CEP44: variants seen among roughly 807,000 people sequenced by gnomAD.
The protein encoded by CEP44 is centrosomal protein of 44 kDa.
CEP44 carries 45 observed loss-of-function variants against 46.7 expected under a neutral mutation model. The observed-to-expected ratio is 0.96, with a 90% CI of 0.76 to 1.24. The LOEUF is 1.24. Among genes scored for constraint, CEP44 ranks in the 50% most tolerant of loss-of-function variants. The probability of loss-of-function intolerance (pLI) is 0.00; values close to 1 mark genes in which losing one functional copy is unlikely to be tolerated. For missense variants in CEP44, 475 were observed against 459.7 expected, an observed-to-expected ratio of 1.03 and a Z score of -0.30; for synonymous variants, 142 against 146.0, an observed-to-expected ratio of 0.97 and a Z score of 0.20.
Position 174,316,208 on chromosome 4 carries a change from C to T in CEP44, c.1004C>T (p.Ser335Phe). 1 of 1,613,894 alleles carries T rather than the reference C, an allele frequency of 6.2e-7. No individual in the cohort carries two copies. Among genetic ancestry groups the T allele is most frequent in the Non-Finnish European group, 8.5e-7 (1 of 1,179,858 alleles). Residue 335 changes from serine (S) to phenylalanine (F), a missense_variant, in exon 10 of 12, where the codon TCC (serine) becomes TTC (phenylalanine). By Grantham distance (155) the Ser-to-Phe change is radical (BLOSUM62 -2). Transcript: ENST00000503780. ...GAGAGGCCAGCAAGTATTCCTCTGT[C>T]CTCTGGCTATAGTACAGCATCATCA... ...EVERPASIPLSSGYSTASSDS... is the reference protein window; with the variant it reads ...EVERPASIPLFSGYSTASSDS...
chr4:174,326,487 C>A lies in CEP44; in HGVS notation c.1087-4995C>A, dbSNP rs1423238815. Among the ~76,000 whole-genome samples, 1 of 152,112 alleles carries A rather than the reference C, an allele frequency of 6.6e-6. No individual in the cohort carries two copies. The highest frequency in any genetic ancestry group is 6.6e-5 in the Admixed American group (1 of 15,250). ...TGACTTCTACATATGTTATAAACTG[C>A]AAAACATTATCATTACTTTTGCTAT... On this transcript the variant is annotated intron_variant, in intron 8 of 8. Transcript: ENST00000426172. The surrounding 1 kb of genome is among the most constrained non-coding windows in gnomAD (Gnocchi z 4.8).
chr4:174,319,574 TAA>T lies in CEP44; in HGVS notation c.*2194_*2195del. 1.3e-6 allele frequency: 1 copy of T among 785,216 alleles called. No individual in the cohort carries two copies. Among genetic ancestry groups the T allele is most frequent in the Non-Finnish European group, 1.5e-6 (1 of 647,390 alleles). The allele number at this position is 785,216 out of a possible 1,614,324, so 48.6% of individuals were successfully genotyped here. ...CAGATATACACACAGAGAAGGGACTTAAAACATTTCTAATCTCCTAGTTTATA... is the reference window on the plus strand; with the variant it reads ...CAGATATACACACAGAGAAGGGACTTAACATTTCTAATCTCCTAGTTTATA... On this transcript the variant is annotated 3_prime_UTR_variant, in exon 12 of 12. Coordinates refer to ENST00000503780, the MANE Select transcript of CEP44 (RefSeq NM_001040157.3).
chr4:174,317,004 A>G (rs943802719), intron 11 of CEP44, among the ~76,000 whole-genome samples: 1 of 151,846 alleles, frequency 6.6e-6, no homozygotes, highest in African/African-American at 2.4e-5. Flanking sequence ...TTTGTCTAGT[A>G]CAAATGGTGT....
chr4:174,328,824 C>G (rs992245297), intron 8 of CEP44, among the ~76,000 whole-genome samples: 1 of 152,094 alleles, frequency 6.6e-6, no homozygotes, highest in Admixed American at 6.5e-5. Context: ...CTTTTCAAGC[C>G]TAAATCATCC....
chr4:174,318,472 A>G lies in CEP44; in HGVS notation c.*1089A>G. 1.0e-6 allele frequency: 1 copy of G among 959,926 alleles called. No individual in the cohort carries two copies. Among genetic ancestry groups the G allele is most frequent in the Non-Finnish European group, 1.2e-6 (1 of 808,222 alleles). 59.5% of individuals were successfully genotyped at this position (959,926 alleles called of 1,614,324 possible). A position where few individuals can be genotyped will look rare whatever the true frequency, so the allele number is the denominator to read the frequency against. ...AGAGAAAAGTCTTAGCTGAAGGTAAATCAATGGAAAAATGAAATTTATTTT... is the reference window on the plus strand; with the variant it reads ...AGAGAAAAGTCTTAGCTGAAGGTAAGTCAATGGAAAAATGAAATTTATTTT... On this transcript the variant is annotated 3_prime_UTR_variant, in exon 12 of 12. Coordinates refer to ENST00000503780, the MANE Select transcript of CEP44 (RefSeq NM_001040157.3).
Position 174,319,945 on chromosome 4 carries a change from A to C in CEP44, c.*2562A>C. On this transcript the variant is annotated 3_prime_UTR_variant, in exon 12 of 12. Coordinates refer to ENST00000503780, the MANE Select transcript of CEP44 (RefSeq NM_001040157.3). Reference sequence around the variant, plus strand: ...GTTGATTAACTTGAGAAGGTGAAGCAGGGGAGTTCTGAAGAGATTACCTAG... The same window carrying C: ...GTTGATTAACTTGAGAAGGTGAAGCCGGGGAGTTCTGAAGAGATTACCTAG... 2.0e-6 allele frequency: 2 copies of C among 985,250 alleles called. No homozygotes were observed. The highest frequency in any genetic ancestry group is 1.7e-5 in the African/African-American group (1 of 57,370). The allele number at this position is 985,250 out of a possible 1,614,324, so 61.0% of individuals were successfully genotyped here.
chr4:174,306,680 C>T (rs2126614996), intron 6 of CEP44, among the ~76,000 whole-genome samples: 1 of 152,018 alleles, frequency 6.6e-6, no homozygotes, highest in South Asian at 2.1e-4. Context: ...GTTCCTTTTG[C>T]AAAATTGCTG....
In CEP44 at chr4:174,303,682, AAG is replaced by A. The variant is rs1029267930; in HGVS notation, c.238-18_238-17del. 8.9e-6 allele frequency: 13 copies of A among 1,465,792 alleles called. No individual in the cohort carries two copies. The highest frequency in any genetic ancestry group is 1.9e-5 in the Admixed American group (1 of 53,554). The allele number at this position is 1,465,792 out of a possible 1,614,324, so 90.8% of individuals were successfully genotyped here. A position where few individuals can be genotyped will look rare whatever the true frequency, so the allele number is the denominator to read the frequency against. On this transcript the variant is annotated intron_variant, in intron 4 of 11. Coordinates refer to ENST00000503780, the MANE Select transcript of CEP44 (RefSeq NM_001040157.3). The stretch of plus-strand genomic sequence containing the variant: ...GAAATAAATTGCTCCCAATTATTAC[AAG>A]AGTCTGTTTCCTCTGCAGCTTCTTC...
Position 174,317,597 on chromosome 4 carries a change from T to C in CEP44, c.*214T>C, listed in dbSNP as rs1381275259. 2 of 1,110,734 alleles carry C rather than the reference T, an allele frequency of 1.8e-6. No homozygotes were observed. The highest frequency in any genetic ancestry group is 3.3e-5 in the African/African-American group (2 of 61,078). The allele number at this position is 1,110,734 out of a possible 1,614,324, so 68.8% of individuals were successfully genotyped here. ...CTTTACCTTGTGTCACTTTTTTTTT[T>C]TTTAGGAAAAACTCATGTTCCAGTA... On this transcript the variant is annotated 3_prime_UTR_variant, in exon 12 of 12. Coordinates refer to ENST00000503780, the MANE Select transcript of CEP44 (RefSeq NM_001040157.3).
intron 9 of CEP44, among the ~76,000 whole-genome samples, chr4:174,313,381 GA>G (rs536148825): frequency 0.028 from 3,625 of 131,166 alleles, 85 homozygotes; most frequent in African/African-American, 0.072. Context: ...TCCCTCAGAG[GA>G]AAAAAAAAAA....
At chr4:174,303,264 G>GT (rs1019942577) in intron 4 of CEP44, among the ~76,000 whole-genome samples, 9 of 128,164 alleles carry the variant, frequency 7.0e-5, no homozygotes, top group African/African-American at 1.8e-4. Flanking sequence ...GATCTAGTGT[G>GT]TTTTTTTTCA....
intron 8 of CEP44, among the ~76,000 whole-genome samples, chr4:174,327,380 C>G (rs1023893364): frequency 4.6e-5 from 7 of 151,652 alleles, no homozygotes; most frequent in African/African-American, 1.7e-4. Flanking sequence ...TTAATTCTTA[C>G]CCAGATTATA....
Position 174,319,992 on chromosome 4 carries a change from G to A in CEP44, c.*2609G>A. ...CTAGAGCTACATAACCCTAAGTTAA[G>A]TAAAATTTTCACTTTCATTCTTTTC... is the stretch of plus-strand genomic sequence containing the variant. On this transcript the variant is annotated 3_prime_UTR_variant, in exon 12 of 12. Transcript: ENST00000503780. 1 of 985,328 alleles carries A rather than the reference G, an allele frequency of 1.0e-6. No homozygotes were observed. Among genetic ancestry groups the A allele is most frequent in the Non-Finnish European group, 1.2e-6 (1 of 829,870 alleles). 61.0% of individuals were successfully genotyped at this position (985,328 alleles called of 1,614,324 possible). A position where few individuals can be genotyped will look rare whatever the true frequency, so the allele number is the denominator to read the frequency against.
intron 6 of CEP44, among the ~76,000 whole-genome samples, chr4:174,307,199 C>A (rs1426684697): frequency 2.0e-5 from 3 of 151,922 alleles, no homozygotes; most frequent in Non-Finnish European, 4.4e-5. Flanking sequence ...TCATGCTACC[C>A]AACTTCAAAC....
chr4:174,321,331 G>A (rs1208687772), downstream of CEP44, among the ~76,000 whole-genome samples: 1 of 152,082 alleles, frequency 6.6e-6, no homozygotes, highest in East Asian at 1.9e-4. Context: ...TTCACATTTA[G>A]TATCTTGGCC....
intron 1 of CEP44, among the ~76,000 whole-genome samples, chr4:174,284,933 C>T (rs1056610301): frequency 7.2e-5 from 11 of 152,298 alleles, no homozygotes; most frequent in African/African-American, 2.4e-4. Context: ...AAACAAAAAT[C>T]ACTCTGGTCC....
At chr4:174,302,217 A>G (rs1739809526) in intron 4 of CEP44, 31 bp downstream of exon 4, 3 of 1,419,422 alleles carry the variant, frequency 2.1e-6, no homozygotes, top group Non-Finnish European at 2.9e-6. Flanking sequence ...AATAACTATT[A>G]GTTATTGAAT....
intron 7 of CEP44, 86 bp downstream of exon 7, chr4:174,308,945 T>C: frequency 8.7e-7 from 1 of 1,144,136 alleles, no homozygotes; most frequent in South Asian, 1.4e-5. Context: ...TTTGGAATAT[T>C]TCTAGCCTTT....
In CEP44 at chr4:174,288,223, C is replaced by G. The variant is rs115719018; in HGVS notation, c.-148+4280C>G. Among the ~76,000 whole-genome samples, 984 of 152,288 alleles carry G rather than the reference C, an allele frequency of 6.5e-3. 12 individuals carry two copies. Among genetic ancestry groups the G allele is most frequent in the African/African-American group, 0.023 (936 of 41,564 alleles). The stretch of plus-strand genomic sequence containing the variant: ...TGAAACCATCCAACCATTATTACTA[C>G]AAGAAATCAATGCCATCACCTTGAA... On this transcript the variant is annotated intron_variant, in intron 1 of 11. Coordinates refer to ENST00000503780, the MANE Select transcript of CEP44 (RefSeq NM_001040157.3). The surrounding 1 kb of genome is among the most constrained non-coding windows in gnomAD (Gnocchi z 4.6).
Sources: gnomAD v4.1 joint callset for allele counts (sites outside exome capture counted in the v4.1 genomes callset) on GRCh38, gnomAD v4.1.1 for gene constraint, Gnocchi (gnomAD v3.1) non-coding constraint, MANE v1.5 for transcripts, NCBI Gene and HGNC (gene_info 2026-07-23, HGNC 2026-07-21) for gene names.